ATP8A1: variants seen among roughly 807,000 people sequenced by gnomAD.
ATP8A1 encodes the protein ATPase phospholipid transporting 8A1.
In ATP8A1, 90 loss-of-function variants were observed where a neutral mutation model predicts 177.7. That is an observed-to-expected ratio of 0.51 (90% confidence interval 0.43 to 0.60). The LOEUF (loss-of-function observed/expected upper bound fraction) is 0.60, where lower values mean the gene tolerates loss of function less well. Among genes scored for constraint, ATP8A1 ranks in the 20% least tolerant of loss-of-function variants. The pLI is 0.00. For synonymous variants in ATP8A1, 493 were observed against 485.9 expected (o/e 1.01, Z -0.19); for missense variants, 1,072 against 1,392.8 (o/e 0.77, Z 3.67).
intron 5 of ATP8A1, among the ~76,000 whole-genome samples, chr4:42,605,919 T>TA (rs546521821): frequency 2.1e-4 from 32 of 152,312 alleles, no homozygotes; most frequent in African/African-American, 7.5e-4. Flanking sequence ...GCAAGACAGG[T>TA]ATGTATACAA....
intron 5 of ATP8A1, among the ~76,000 whole-genome samples, chr4:42,614,043 A>G (rs1002119043): frequency 2.0e-5 from 3 of 152,240 alleles, no homozygotes; most frequent in Non-Finnish European, 4.4e-5. Context: ...TTATTATAGA[A>G]GCTTTTCCTC....
chr4:42,573,521 C>T (rs1054583282), intron 14 of ATP8A1, among the ~76,000 whole-genome samples: 14 of 152,184 alleles, frequency 9.2e-5, no homozygotes, highest in Admixed American at 3.9e-4. Flanking sequence ...GCATCCAGCC[C>T]GGGAAGCAGT....
intron 5 of ATP8A1, among the ~76,000 whole-genome samples, chr4:42,606,879 A>G (rs1735845828): frequency 6.6e-6 from 1 of 152,242 alleles, no homozygotes; most frequent in Non-Finnish European, 1.5e-5. Flanking sequence ...AAGAATCTAC[A>G]GCACTCCATA....
chr4:42,581,937 C>T (rs1217766566), intron 9 of ATP8A1, among the ~76,000 whole-genome samples: 1 of 152,162 alleles, frequency 6.6e-6, no homozygotes, highest in Non-Finnish European at 1.5e-5. Flanking sequence ...ACCAACCAGT[C>T]ATTTTCTGTA....
chr4:42,510,051 G>C (rs575267804), intron 22 of ATP8A1, among the ~76,000 whole-genome samples: 34 of 152,172 alleles, frequency 2.2e-4, no homozygotes, highest in Non-Finnish European at 3.5e-4. Context: ...CCACAGCATT[G>C]AATGTCAGCA....
Position 42,557,870 on chromosome 4 carries a change from C to T in ATP8A1, c.1341-1830G>A, listed in dbSNP as rs572456226. Among the ~76,000 whole-genome samples the T allele has an allele frequency of 1.2e-3, 178 of 152,098 alleles. 1 individual carries two copies. The highest frequency in any genetic ancestry group is 4.2e-3 in the African/African-American group (176 of 41,494). ...CCAGCCTGGCCAACATGATGAAACC[C>T]CATCTCTACTAAAAATATAAAAATT... On this transcript the variant is annotated intron_variant, in intron 15 of 36. Transcript: ENST00000381668.
rs11311245 is a variant in ATP8A1 at position 42,446,080 on chromosome 4, C to CAAAAAAAAAAA, written c.2958+492_2958+502dup. 2.5e-4 allele frequency among the ~76,000 whole-genome samples: 16 copies of CAAAAAAAAAAA among 63,910 alleles called. 2 individuals are homozygous for CAAAAAAAAAAA. In the East Asian group the frequency reaches 0.01, roughly 41 times the overall value. The allele number at this position is 63,910 out of a possible 152,430, so 41.9% of individuals were successfully genotyped here. On this transcript the variant is annotated intron_variant, in intron 31 of 36. Coordinates refer to ENST00000381668, the MANE Select transcript of ATP8A1 (RefSeq NM_006095.2). The stretch of plus-strand genomic sequence containing the variant: ...GGGCGACAAGAGTGAAACGCCCTCT[C>CAAAAAAAAAAA]AAAAAAAAAAAAAAAAAAAGAGAAG...
At chr4:42,463,314 T>C (rs1454807805) in intron 27 of ATP8A1, among the ~76,000 whole-genome samples, 2 of 152,188 alleles carry the variant, frequency 1.3e-5, no homozygotes, top group Non-Finnish European at 2.9e-5. Flanking sequence ...TTTCCTGTGA[T>C]GTTCTCGTGA....
intron 1 of ATP8A1, among the ~76,000 whole-genome samples, chr4:42,647,463 C>T (rs1313715810): frequency 6.6e-6 from 1 of 151,852 alleles, no homozygotes; most frequent in Non-Finnish European, 1.5e-5. Flanking sequence ...ATGTAAACTA[C>T]CACTCATAAA....
At chr4:42,570,348 G>C (rs1731777627) in intron 14 of ATP8A1, among the ~76,000 whole-genome samples, 1 of 152,218 alleles carries the variant, frequency 6.6e-6, no homozygotes. Flanking sequence ...AAAGGAGTTG[G>C]CATGCTGCAA....
intron 31 of ATP8A1, among the ~76,000 whole-genome samples, chr4:42,445,500 G>C (rs1007458944): frequency 6.6e-5 from 10 of 151,868 alleles, no homozygotes; most frequent in African/African-American, 2.4e-4. Flanking sequence ...CTTAAATATT[G>C]TTAGTCGTCA....
chr4:42,435,648 T>A (rs1271260418), intron 33 of ATP8A1, among the ~76,000 whole-genome samples: 1 of 152,138 alleles, frequency 6.6e-6, no homozygotes, highest in African/African-American at 2.4e-5. Flanking sequence ...CACCTCACAG[T>A]GCTCTCTCCA....
At chr4:42,574,729 CATT>C (rs963173219) in intron 13 of ATP8A1, 22 bp from the exon 14 acceptor site, 1 of 1,543,478 alleles carries the variant, frequency 6.5e-7, no homozygotes, top group African/African-American at 1.4e-5. Context: ...TAAAATTTCT[CATT>C]AATATTTTGA....
rs982928112 is a variant in ATP8A1, at chr4:42,409,810, C to T, written c.*3106G>A. On this transcript the variant is annotated 3_prime_UTR_variant, in exon 37 of 37. Transcript: ENST00000381668. ...AAAACAAATTATCATGTGACTTTCA[C>T]ATTGGATATTTAGAATGCTGAACGG... The T allele has an allele frequency of 2.6e-5, 4 of 152,124 alleles. No individual in the cohort carries two copies. Among genetic ancestry groups the T allele is most frequent in the African/African-American group, 9.7e-5 (4 of 41,434 alleles). The allele number at this position is 152,124 out of a possible 1,614,324, so 9.4% of individuals were successfully genotyped here.
chr4:42,430,669 C>T (rs1467321511), intron 33 of ATP8A1, among the ~76,000 whole-genome samples: 1 of 152,268 alleles, frequency 6.6e-6, no homozygotes, highest in East Asian at 1.9e-4. Context: ...GTGTTGCTCC[C>T]CTCTACGTGT....
Position 42,577,789 on chromosome 4 carries a change from G to T in ATP8A1, c.1128+471C>A, listed in dbSNP as rs1484261840. ...TAACATGATAATCTGGTTGATATCAGTAAGAATTACAGTATTATTTGTATA... is the reference window on the plus strand; with the variant it reads ...TAACATGATAATCTGGTTGATATCATTAAGAATTACAGTATTATTTGTATA... On this transcript the variant is annotated intron_variant, in intron 12 of 36. Transcript: ENST00000381668. 2.0e-5 allele frequency among the ~76,000 whole-genome samples: 3 copies of T among 152,206 alleles called. No individual in the cohort carries two copies. In the East Asian group the frequency reaches 5.8e-4, roughly 29 times the overall value.
chr4:42,451,491 T>C (rs1007012084), intron 30 of ATP8A1, among the ~76,000 whole-genome samples: 4 of 152,172 alleles, frequency 2.6e-5, no homozygotes, highest in African/African-American at 9.7e-5. Flanking sequence ...ACCGAGAGAA[T>C]AAAATCACTT....
At chr4:42,552,061 A>G (rs1267147837) in intron 17 of ATP8A1, among the ~76,000 whole-genome samples, 4 of 152,188 alleles carry the variant, frequency 2.6e-5, no homozygotes, top group African/African-American at 4.8e-5. Context: ...AAATAAATAC[A>G]CAAGCTTCTT....
At chr4:42,447,414 C>A (rs1001661060) in intron 30 of ATP8A1, among the ~76,000 whole-genome samples, 3 of 152,048 alleles carry the variant, frequency 2.0e-5, no homozygotes, top group African/African-American at 7.2e-5. Context: ...AACTCCTGGC[C>A]TCAAGTGATC....
Sources: allele counts gnomAD v4.1 joint callset (sites outside exome capture counted in the v4.1 genomes callset), GRCh38; gene constraint gnomAD v4.1.1; transcripts MANE v1.5; gene names NCBI Gene and HGNC (gene_info 2026-07-23, HGNC 2026-07-21).